Variants in RAP1GAP2 observed in about 807,000 individuals in gnomAD.
The protein encoded by RAP1GAP2 is RAP1 GTPase activating protein 2.
A neutral mutation model predicts 95.0 loss-of-function variants in RAP1GAP2; 27 were observed. The ratio of observed to expected loss-of-function variants is 0.28; its 90% CI spans 0.21 to 0.39. The LOEUF is 0.39. Among genes scored for constraint, RAP1GAP2 ranks in the 10% least tolerant of loss-of-function variants. The pLI is 1.00. For missense variants in RAP1GAP2, 771 were observed against 970.0 expected (o/e 0.79, Z 2.72); for synonymous variants, 373 against 380.9 (o/e 0.98, Z 0.24).
Position 2,871,869 on chromosome 17 carries a change from A to T in RAP1GAP2, c.81-33415A>T, listed in dbSNP as rs1366868594. 2.6e-5 allele frequency among the ~76,000 whole-genome samples: 4 copies of T among 152,318 alleles called. No individual in the cohort carries two copies. Among genetic ancestry groups the T allele is most frequent in the Non-Finnish European group, 4.4e-5 (3 of 68,028 alleles). On this transcript the variant is annotated intron_variant, in intron 2 of 24. Transcript: ENST00000254695. This position sits in a 1 kb window ranked among gnomAD's most constrained non-coding sequence, Gnocchi z 5.0. ...AAACACTGGAAACAACCAAATCCCT[A>T]TTCATAGTGAACTGGCTGCCTAAAT...
intron 2 of RAP1GAP2, among the ~76,000 whole-genome samples, chr17:2,849,031 T>A (rs1432369249): frequency 1.3e-5 from 2 of 152,122 alleles, no homozygotes; most frequent in East Asian, 1.9e-4. Context: ...TTCAGCTGTG[T>A]GCGAGCGGGC....
chr17:2,843,077 C>A (rs1011265438), intron 2 of RAP1GAP2, among the ~76,000 whole-genome samples: 1 of 151,962 alleles, frequency 6.6e-6, no homozygotes, highest in South Asian at 2.1e-4. Flanking sequence ...TGGTGTGGGG[C>A]AAATAGACAA....
At chr17:2,756,705 A>T (rs1229383401) in intron 1 of RAP1GAP2, among the ~76,000 whole-genome samples, 1 of 152,090 alleles carries the variant, frequency 6.6e-6, no homozygotes, top group African/African-American at 2.4e-5. Flanking sequence ...GCATACAATG[A>T]ACAATAATGT....
chr17:2,847,162 C>T lies in RAP1GAP2; in HGVS notation c.80+46612C>T, dbSNP rs573682204. Among the ~76,000 whole-genome samples, 150 of 152,310 alleles carry T rather than the reference C, an allele frequency of 9.8e-4. 1 individual carries two copies. The highest frequency in any genetic ancestry group is 3.4e-3 in the Middle Eastern group (1 of 294). ...TAGCTGGGATTACAGGCGCCCGCCA[C>T]GTTGCCTGGCTAATTTTTGTATTTT... On this transcript the variant is annotated intron_variant, in intron 2 of 24. Transcript: ENST00000254695.
intron 2 of RAP1GAP2, among the ~76,000 whole-genome samples, chr17:2,892,481 C>T (rs1040151012): frequency 1.3e-5 from 2 of 152,024 alleles, no homozygotes; most frequent in Admixed American, 6.6e-5. Context: ...GAGATGACTG[C>T]GACGGTCCAC....
chr17:2,965,615 G>A lies in RAP1GAP2; in HGVS notation c.568G>A (p.Gly190Arg). 2.5e-6 allele frequency: 4 copies of A among 1,611,758 alleles called. No homozygotes were observed. The highest frequency in any genetic ancestry group is 3.4e-6 in the Non-Finnish European group (4 of 1,179,184). The change falls in exon 8 of 25, where the codon GGG becomes AGG. Residue 190 changes from glycine (G) to arginine (R), a missense_variant. Physicochemically the swap from Gly to Arg is moderately radical, Grantham distance 125. Coordinates refer to ENST00000254695, the MANE Select transcript of RAP1GAP2 (RefSeq NM_015085.5). The surrounding 1 kb of genome is among the most constrained non-coding windows in gnomAD (Gnocchi z 4.7). ...ILSVKCEEAE[G>R]IEYLRVILRS... The stretch of plus-strand genomic sequence containing the variant: ...GTCCGTCAAGTGCGAGGAAGCAGAG[G>A]GGATCGAGTACCTCCGGGTCATCCT...
intron 2 of RAP1GAP2, among the ~76,000 whole-genome samples, chr17:2,805,669 G>A (rs889412687): frequency 1.3e-5 from 2 of 152,032 alleles, no homozygotes; most frequent in Non-Finnish European, 2.9e-5. Context: ...CACTGCACCT[G>A]GCCAAAACCT....
intron 8 of RAP1GAP2, among the ~76,000 whole-genome samples, chr17:2,979,928 G>C (rs567164475): frequency 6.6e-6 from 1 of 151,510 alleles, no homozygotes; most frequent in Non-Finnish European, 1.5e-5. Context: ...CTTCCTCTTG[G>C]ACTGTTTCTT....
rs563012066 is a variant in RAP1GAP2 at position 2,827,535 on chromosome 17, C to T, written c.80+26985C>T. 5.3e-5 allele frequency among the ~76,000 whole-genome samples: 8 copies of T among 152,188 alleles called. No homozygotes were observed. Among genetic ancestry groups the T allele is most frequent in the East Asian group, 1.9e-4 (1 of 5,156 alleles). ...TAGAAGGGACATTTGAGGCCTGGCG[C>T]GGTGGCTCATGCCTGTAATCCCAGC... is the stretch of plus-strand genomic sequence containing the variant. On this transcript the variant is annotated intron_variant, in intron 2 of 24. Transcript: ENST00000254695. This position sits in a 1 kb window ranked among gnomAD's most constrained non-coding sequence, Gnocchi z 4.1.
chr17:2,799,657 C>T (rs963704789), intron 1 of RAP1GAP2, among the ~76,000 whole-genome samples: 2 of 152,124 alleles, frequency 1.3e-5, no homozygotes, highest in African/African-American at 2.4e-5. Flanking sequence ...TGACACGAAT[C>T]GTGATGTTGC....
intron 8 of RAP1GAP2, among the ~76,000 whole-genome samples, chr17:2,967,104 C>T (rs1420475660): frequency 6.6e-6 from 1 of 152,162 alleles, no homozygotes; most frequent in Non-Finnish European, 1.5e-5. Context: ...CACGGTGGCT[C>T]ACGCCTGTAA....
At chr17:2,791,857 CTTTTTTTT>C (rs530185952), upstream of RAP1GAP2, among the ~76,000 whole-genome samples, 1 of 136,032 alleles carries the variant, frequency 7.4e-6, no homozygotes, top group Non-Finnish European at 1.6e-5. Context: ...CCTTTTCTCT[CTTTTTTTT>C]TTTTTTTTTT....
chr17:2,785,729 G>A (rs1376912783), intron 1 of RAP1GAP2, among the ~76,000 whole-genome samples: 1 of 151,996 alleles, frequency 6.6e-6, no homozygotes, highest in Non-Finnish European at 1.5e-5. Context: ...GATGCTCCCG[G>A]CCGAATAAAA....
chr17:2,757,645 C>T (rs2071171080), intron 1 of RAP1GAP2, among the ~76,000 whole-genome samples: 1 of 151,814 alleles, frequency 6.6e-6, no homozygotes, highest in Non-Finnish European at 1.5e-5. Flanking sequence ...TGATGACCAC[C>T]TTGCTGCCAC....
At chr17:3,032,575 A>G in intron 24 of RAP1GAP2, 126 bp downstream of exon 24, 1 of 924,116 alleles carries the variant, frequency 1.1e-6, no homozygotes, top group Non-Finnish European at 1.7e-6. Context: ...ATGTCCAAAG[A>G]GTCTCCTACT....
At chr17:3,019,206 C>G (rs2046874838) in intron 18 of RAP1GAP2, among the ~76,000 whole-genome samples, 1 of 152,082 alleles carries the variant, frequency 6.6e-6, no homozygotes, top group South Asian at 2.1e-4. Context: ...TGACTCGTAC[C>G]AGGGGCTGGG....
At chr17:2,852,348 G>A (rs989476485) in intron 2 of RAP1GAP2, among the ~76,000 whole-genome samples, 81 of 150,134 alleles carry the variant, frequency 5.4e-4, no homozygotes, top group Non-Finnish European at 5.9e-4. Context: ...GGGGGTGGGG[G>A]TGGGGGGCAC....
At chr17:2,951,446 C>T (rs761244564) in intron 3 of RAP1GAP2, among the ~76,000 whole-genome samples, 10 of 152,164 alleles carry the variant, frequency 6.6e-5, no homozygotes, top group East Asian at 3.8e-4. Flanking sequence ...TTGTTGTGTG[C>T]GGTGGCTCAC....
intron 2 of RAP1GAP2, among the ~76,000 whole-genome samples, chr17:2,874,759 T>C (rs1284352947): frequency 6.6e-6 from 1 of 152,092 alleles, no homozygotes; most frequent in East Asian, 1.9e-4. Context: ...GCTTGCGAGC[T>C]CTCTGCTCTC....
Sources: gnomAD v4.1 joint callset for allele counts (sites outside exome capture counted in the v4.1 genomes callset) on GRCh38, gnomAD v4.1.1 for gene constraint, Gnocchi (gnomAD v3.1) non-coding constraint, MANE v1.5 for transcripts, NCBI Gene and HGNC (gene_info 2026-07-23, HGNC 2026-07-21) for gene names.